P2RY12: variants seen among roughly 807,000 people sequenced by gnomAD.
P2RY12 encodes the protein purinergic receptor P2Y12.
A neutral mutation model predicts 4.5 loss-of-function variants in P2RY12; 3 were observed. That is an observed-to-expected ratio of 0.67 (90% CI 0.31 to 1.74). The LOEUF is 1.74. P2RY12 is among the 40% of genes most tolerant of loss of function. The probability of loss-of-function intolerance (pLI) is 0.09; values close to 1 mark genes in which losing one functional copy is unlikely to be tolerated. For missense variants in P2RY12, 356 were observed against 407.8 expected (o/e 0.87, Z 1.09); for synonymous variants, 148 against 154.1 (o/e 0.96, Z 0.29).
chr3:151,384,642 AGAAAC>A, intron 1 of P2RY12, 45 bp downstream of exon 1: 1 of 193,916 alleles, frequency 5.2e-6, no homozygotes, highest in Non-Finnish European at 1.0e-5. Context: ...AGTGCAAAAA[AGAAAC>A]CAAATAAATC....
chr3:151,336,890 C>T lies in P2RY12; in HGVS notation c.*927G>A, dbSNP rs1751068134. On this transcript the variant is annotated 3_prime_UTR_variant, in exon 3 of 3. Coordinates refer to ENST00000302632, the MANE Select transcript of P2RY12 (RefSeq NM_022788.5). ...ATTTTGTATTTTATACACACCAATA[C>T]AAACAAGTAATTACAAACAGATCAA... The T allele has an allele frequency of 5.9e-6, 1 of 169,452 alleles. No individual in the cohort carries two copies. Among genetic ancestry groups the T allele is most frequent in the South Asian group, 1.4e-4 (1 of 7,390 alleles). 10.5% of individuals were successfully genotyped at this position (169,452 alleles called of 1,614,324 possible).
Position 151,338,346 on chromosome 3 carries a change from G to A in P2RY12, c.500C>T (p.Pro167Leu), listed in dbSNP as rs749142270. The change falls in exon 3 of 3, where the codon CCG (proline) becomes CTG (leucine). Residue 167 changes from proline (P) to leucine (L), a missense_variant. Physicochemically the swap from Pro to Leu is moderately conservative, Grantham distance 98 (BLOSUM62 -3). Transcript: ENST00000302632. Reference sequence around the variant, plus strand: ...GCATTTCTTCACATTCTTGTCTCTCGGCTGCCTGTTGGTCAGAATCATGTT... The same window carrying A: ...GCATTTCTTCACATTCTTGTCTCTCAGCTGCCTGTTGGTCAGAATCATGTT... Reference protein sequence around the residue: ...LPNMILTNRQPRDKNVKKCSF... With the variant: ...LPNMILTNRQLRDKNVKKCSF... 1.4e-5 allele frequency: 23 copies of A among 1,613,864 alleles called. No individual in the cohort carries two copies. The highest frequency in any genetic ancestry group is 1.3e-4 in the Admixed American group (8 of 59,976).
intron 1 of P2RY12, among the ~76,000 whole-genome samples, chr3:151,347,956 A>G (rs534503058): frequency 1.3e-5 from 2 of 152,298 alleles, no homozygotes; most frequent in African/African-American, 2.4e-5. Flanking sequence ...ATTTGGAGCC[A>G]TAGTGATCCT....
intron 1 of P2RY12, among the ~76,000 whole-genome samples, chr3:151,355,685 A>G (rs906208545): frequency 3.9e-5 from 6 of 152,234 alleles, no homozygotes; most frequent in African/African-American, 1.4e-4. Flanking sequence ...TTAGGTCTGA[A>G]TGACAACTTT....
At chr3:151,341,426 CTT>C (rs1751807098) in intron 1 of P2RY12, among the ~76,000 whole-genome samples, 1 of 151,798 alleles carries the variant, frequency 6.6e-6, no homozygotes, top group Non-Finnish European at 1.5e-5. Context: ...CTTTACCTAA[CTT>C]TGAGTTTTTG....
At position 151,378,811 on chromosome 3, in the gene P2RY12, A is replaced by T. The variant is rs113496227; in HGVS notation, c.-180+5881T>A. Reference sequence around the variant, plus strand: ...CTTCCATTAAAAAAATATTTTAAGCACATAGATTTCTTGTCCACTAATGAA... The same window carrying T: ...CTTCCATTAAAAAAATATTTTAAGCTCATAGATTTCTTGTCCACTAATGAA... On this transcript the variant is annotated intron_variant, in intron 1 of 2. Transcript: ENST00000302632. Among the ~76,000 whole-genome samples, 891 of 152,362 alleles carry T rather than the reference A, an allele frequency of 5.8e-3. 7 individuals carry two copies. The highest frequency in any genetic ancestry group is 0.023 in the South Asian group (113 of 4,828).
chr3:151,383,677 G>C, intron 1 of P2RY12: 2 of 703,594 alleles, frequency 2.8e-6, no homozygotes, highest in Non-Finnish European at 4.8e-6. Flanking sequence ...AGCATCCCTT[G>C]TTTTTTTAAA....
intron 1 of P2RY12, among the ~76,000 whole-genome samples, chr3:151,363,922 G>T (rs528995543): frequency 8.9e-4 from 135 of 152,174 alleles, no homozygotes; most frequent in Non-Finnish European, 1.2e-3. Flanking sequence ...CAATAGTTTA[G>T]AATAGAGAGT....
chr3:151,377,271 G>A (rs569925189), intron 1 of P2RY12: 1 of 967,260 alleles, frequency 1.0e-6, no homozygotes, highest in East Asian at 2.5e-5. Context: ...TTAAGTCATA[G>A]GAATGTGAAG....
intron 1 of P2RY12, among the ~76,000 whole-genome samples, chr3:151,342,518 A>G (rs989103262): frequency 6.6e-6 from 1 of 152,154 alleles, no homozygotes; most frequent in African/African-American, 2.4e-5. Context: ...TGAATAAAAA[A>G]CTCTGGGGTG....
chr3:151,377,849 G>A (rs1320355239), intron 1 of P2RY12, among the ~76,000 whole-genome samples: 1 of 152,172 alleles, frequency 6.6e-6, no homozygotes, highest in African/African-American at 2.4e-5. Context: ...TCATGCAAAT[G>A]TCTAGTGTTC....
At position 151,362,448 on chromosome 3, in the gene P2RY12, C is replaced by T. The variant is rs145814565; in HGVS notation, c.-179-21688G>A. Reference sequence around the variant, plus strand: ...AGTAGGGCTTTTGCACTTTATCTTACGTTGCTTGTGATACTTGTCCTCAGT... The same window carrying T: ...AGTAGGGCTTTTGCACTTTATCTTATGTTGCTTGTGATACTTGTCCTCAGT... On this transcript the variant is annotated intron_variant, in intron 1 of 2. Transcript: ENST00000302632. Among the ~76,000 whole-genome samples the T allele has an allele frequency of 2.5e-3, 386 of 152,192 alleles. 3 individuals carry two copies. Among genetic ancestry groups the T allele is most frequent in the African/African-American group, 8.6e-3 (356 of 41,544 alleles).
chr3:151,371,260 GGACCATTA>G (rs1358687677), intron 1 of P2RY12, among the ~76,000 whole-genome samples: 4 of 152,048 alleles, frequency 2.6e-5, no homozygotes, highest in Admixed American at 2.0e-4. Context: ...TAGGGAGATG[GGACCATTA>G]TATCAAATTT....
At chr3:151,384,035 T>G in intron 1 of P2RY12, 1 of 1,567,462 alleles carries the variant, frequency 6.4e-7, no homozygotes, top group Non-Finnish European at 8.7e-7. Flanking sequence ...GTTAAATAAG[T>G]GTATTTCAGT....
chr3:151,372,839 G>C (rs1756360475), intron 1 of P2RY12: 1 of 1,227,698 alleles, frequency 8.1e-7, no homozygotes, highest in Non-Finnish European at 1.2e-6. Context: ...TACACTTATA[G>C]GAAACTTGTG....
At chr3:151,368,586 ATTTATTTTATTTTAT>A (rs71637017) in intron 1 of P2RY12, among the ~76,000 whole-genome samples, 221 of 120,750 alleles carry the variant, frequency 1.8e-3, no homozygotes, top group African/African-American at 5.5e-3. Context: ...GGCAATGGTG[ATTTATTTTATTTTAT>A]TTTATTTTAT....
rs1230249664 is a variant in P2RY12, at chr3:151,360,655, G to A, written c.-179-19895C>T. On this transcript the variant is annotated intron_variant, in intron 1 of 2. Transcript: ENST00000302632. ...CAGAAATAGGATCATGCCTATGTTTGTTAGTGACCCTGACAATATTGTCAT... is the reference window on the plus strand; with the variant it reads ...CAGAAATAGGATCATGCCTATGTTTATTAGTGACCCTGACAATATTGTCAT... 2.6e-6 allele frequency: 4 copies of A among 1,516,504 alleles called. No homozygotes were observed. The Admixed American group carries it at 6.0e-5, about 23-fold the overall frequency. 93.9% of individuals were successfully genotyped at this position (1,516,504 alleles called of 1,614,324 possible).
chr3:151,338,959 T>A, intron 2 of P2RY12, 100 bp from the exon 3 acceptor site: 2 of 1,011,002 alleles, frequency 2.0e-6, no homozygotes, highest in Non-Finnish European at 3.0e-6. Flanking sequence ...CCTCTAAAAG[T>A]TGAGGTTTCT....
In P2RY12 at chr3:151,337,994, C is replaced by T. The variant is rs2149928893; in HGVS notation, c.852G>A (p.Leu284=). The T allele has an allele frequency of 4.3e-6, 7 of 1,614,130 alleles. No homozygotes were observed. Among genetic ancestry groups the T allele is most frequent in the Non-Finnish European group, 5.9e-6 (7 of 1,179,998 alleles). ...NTLFYVKEST[L]WLTSLNACLD... is the part of the protein sequence containing the mutation. Reference sequence around the variant, plus strand: ...GGCATGCATTTAAGGAAGTTAACCACAGAGTGCTCTCTTTCACATAGAACA... The same window carrying T: ...GGCATGCATTTAAGGAAGTTAACCATAGAGTGCTCTCTTTCACATAGAACA... The change falls in exon 3 of 3, where the codon CTG becomes CTA. Residue 284 remains leucine, a synonymous_variant. Coordinates refer to ENST00000302632, the MANE Select transcript of P2RY12 (RefSeq NM_022788.5).
Sources: gnomAD v4.1 joint callset for allele counts (sites outside exome capture counted in the v4.1 genomes callset) on GRCh38, gnomAD v4.1.1 for gene constraint, MANE v1.5 for transcripts, NCBI Gene and HGNC (gene_info 2026-07-23, HGNC 2026-07-21) for gene names.